The following ACSM4 variants were observed in gnomAD, a reference collection of about 807,000 sequenced individuals.
ACSM4 encodes the protein acyl-CoA synthetase medium chain family member 4.
ACSM4 carries 66 observed loss-of-function variants against 73.0 expected under a neutral mutation model. The observed-to-expected ratio is 0.90, with a 90% CI of 0.74 to 1.11. The LOEUF (loss-of-function observed/expected upper bound fraction) is 1.11, where lower values mean the gene tolerates loss of function less well. Ranked by LOEUF, ACSM4 falls within the 50% of genes least tolerant of loss-of-function variation. The pLI, the probability that ACSM4 is intolerant of heterozygous loss-of-function variation, is 0.00. For synonymous variants in ACSM4, 222 were observed against 254.0 expected (o/e 0.87, Z 1.20); for missense variants, 645 against 714.4 (o/e 0.90, Z 1.11).
rs901806176 is a variant in ACSM4 at position 7,327,097 on chromosome 12, C to G, written c.1656+2C>G. ...GCACCTTACAAATATCCAAGAAAGG[C>G]AAGTGCTTTGCCCAAAAGTTAAGTT... On this transcript the variant is annotated splice_donor_variant, in intron 12 of 12. Coordinates refer to ENST00000399422, the MANE Select transcript of ACSM4 (RefSeq NM_001080454.2). LOFTEE classifies it high-confidence loss of function. 1 of 1,596,684 alleles carries G rather than the reference C, an allele frequency of 6.3e-7. No homozygotes were observed. The highest frequency in any genetic ancestry group is 2.2e-5 in the East Asian group (1 of 44,456).
chr12:7,313,513 T>C (rs1359370041), intron 3 of ACSM4, among the ~76,000 whole-genome samples: 2 of 152,230 alleles, frequency 1.3e-5, no homozygotes, highest in Admixed American at 6.5e-5. Context: ...ATTTTAAGGC[T>C]TCTTGCCCTC....
chr12:7,315,212 A>T (rs1370335243), intron 3 of ACSM4, among the ~76,000 whole-genome samples: 1 of 151,554 alleles, frequency 6.6e-6, no homozygotes, highest in Admixed American at 6.6e-5. Context: ...AAAAAAAAAA[A>T]TCCTCACTGT....
chr12:7,305,034 A>G (rs1946354333), intron 1 of ACSM4, among the ~76,000 whole-genome samples: 2 of 152,280 alleles, frequency 1.3e-5, no homozygotes, highest in African/African-American at 4.8e-5. Flanking sequence ...ACACTTAACC[A>G]AGCAGTGCTT....
chr12:7,305,650 G>A (rs1052241464), intron 1 of ACSM4, among the ~76,000 whole-genome samples: 5 of 152,212 alleles, frequency 3.3e-5, no homozygotes, highest in African/African-American at 9.7e-5. Context: ...CCACAGGGAA[G>A]AGACACATCT....
intron 5 of ACSM4, 93 bp downstream of exon 5, chr12:7,318,275 C>A: frequency 6.7e-7 from 1 of 1,488,330 alleles, no homozygotes. Context: ...TACAAGGCTT[C>A]TTGGGCTTTT....
rs781213298 is a variant in ACSM4, at chr12:7,320,776, C to T, written c.973C>T (p.Arg325Trp). The change falls in exon 6 of 13, where the codon CGG becomes TGG. Residue 325 changes from arginine (R) to tryptophan (W), a missense_variant. Coordinates refer to ENST00000399422, the MANE Select transcript of ACSM4 (RefSeq NM_001080454.2). ...TTLCSPPTVY[R>W]MLVQKDLKRY... ...CCTGTGCAGTCCTCCCACTGTGTAC[C>T]GGATGCTCGTGCAAAAAGACCTTAA... 1.4e-5 allele frequency: 23 copies of T among 1,613,486 alleles called. No homozygotes were observed. Among genetic ancestry groups the T allele is most frequent in the South Asian group, 1.2e-4 (11 of 91,054 alleles).
chr12:7,324,832 TAAA>T (rs34818475), intron 11 of ACSM4, among the ~76,000 whole-genome samples: 9 of 136,692 alleles, frequency 6.6e-5, no homozygotes, highest in African/African-American at 8.1e-5. Flanking sequence ...TGCCTTAAGT[TAAA>T]AAAAAAAAAA....
chr12:7,305,874 G>A (rs988846759), intron 1 of ACSM4, among the ~76,000 whole-genome samples: 1 of 152,154 alleles, frequency 6.6e-6, no homozygotes, highest in Non-Finnish European at 1.5e-5. Context: ...TAATACATAA[G>A]GCAAAGAGGT....
chr12:7,326,301 C>A (rs994330874), intron 11 of ACSM4, among the ~76,000 whole-genome samples: 1 of 152,142 alleles, frequency 6.6e-6, no homozygotes, highest in Non-Finnish European at 1.5e-5. Context: ...AACTGCTGGG[C>A]TCAGTCGATC....
chr12:7,320,998 T>TGTGA (rs1217570012), intron 6 of ACSM4, among the ~76,000 whole-genome samples, 194 bp downstream of exon 6: 3 of 152,200 alleles, frequency 2.0e-5, no homozygotes, highest in African/African-American at 7.2e-5. Context: ...AAGACTCTAT[T>TGTGA]AGACGCCAGT....
intron 3 of ACSM4, among the ~76,000 whole-genome samples, chr12:7,313,384 A>T (rs1195593037): frequency 6.6e-6 from 1 of 152,206 alleles, no homozygotes; most frequent in Admixed American, 6.5e-5. Context: ...TTCTCTAAAA[A>T]CTAGGGAAGG....
In ACSM4 at chr12:7,322,407, T is replaced by C; in HGVS notation, c.1002-11T>C. On this transcript the variant is annotated splice_polypyrimidine_tract_variant and intron_variant, in intron 6 of 12. Coordinates refer to ENST00000399422, the MANE Select transcript of ACSM4 (RefSeq NM_001080454.2). ...CCTCTTGAAAAGACCCATGCAACTC[T>C]GTCTCTCCAGATATAAATTCAAGAG... 1 of 1,613,448 alleles carries C rather than the reference T, an allele frequency of 6.2e-7. No individual in the cohort carries two copies. The highest frequency in any genetic ancestry group is 1.7e-4 in the Middle Eastern group (1 of 5,784).
In ACSM4 at chr12:7,328,364, A is replaced by G; in HGVS notation, c.1734A>G (p.Arg578=). 2 of 1,587,880 alleles carry G rather than the reference A, an allele frequency of 1.3e-6. No homozygotes were observed. The highest frequency in any genetic ancestry group is 2.3e-5 in the South Asian group (2 of 86,536). ...KRNVLRDQEW[R]GR ...ACGTTTTAAGAGACCAAGAATGGAG[A>G]GGAAGATAGTTTGATAACAAAGCTG... The change falls in exon 13 of 13, where the codon AGA becomes AGG. Residue 578 remains arginine (R), a synonymous_variant. Transcript: ENST00000399422.
chr12:7,327,144 C>G (rs1208838753), intron 12 of ACSM4, 49 bp downstream of exon 12: 14 of 1,523,226 alleles, frequency 9.2e-6, no homozygotes, highest in Non-Finnish European at 1.2e-5. Flanking sequence ...AAACTAGGGT[C>G]TAAGCTAGAA....
In ACSM4 at chr12:7,310,554, C is replaced by A. The variant is rs770864463; in HGVS notation, c.428C>A (p.Pro143Gln). ...TCCTTCCCAGGGATCATCTTCATGC[C>A]GGGAACAATCCAGCTGACAGCAAAA... ...ACIRTGIIFM[P>Q]GTIQLTAKDI... Residue 143 changes from proline (P) to glutamine (Q), a missense_variant, in exon 3 of 13, where the codon CCG (proline) becomes CAG (glutamine). Physicochemically the swap from Pro to Gln is moderately conservative, Grantham distance 76. Coordinates refer to ENST00000399422, the MANE Select transcript of ACSM4 (RefSeq NM_001080454.2). 1 of 1,606,924 alleles carries A rather than the reference C, an allele frequency of 6.2e-7. No homozygotes were observed. The highest frequency in any genetic ancestry group is 1.1e-5 in the South Asian group (1 of 89,582).
At chr12:7,318,220 TCTTC>T (rs778671771) in intron 5 of ACSM4, 38 bp downstream of exon 5, 2 of 1,595,618 alleles carry the variant, frequency 1.3e-6, no homozygotes, top group South Asian at 2.3e-5. Context: ...TCTTTAGAGT[TCTTC>T]CTTGTTTCCC....
rs748264586 is a variant in ACSM4 at position 7,306,510 on chromosome 12, C to G, written c.202-23C>G. On this transcript the variant is annotated intron_variant, in intron 1 of 12. Coordinates refer to ENST00000399422, the MANE Select transcript of ACSM4 (RefSeq NM_001080454.2). ...ATCAGTCATGTAAACCTACCCCTCTCTTTTCCATGTGTCCCTGGTCAGACA... is the reference window on the plus strand; with the variant it reads ...ATCAGTCATGTAAACCTACCCCTCTGTTTTCCATGTGTCCCTGGTCAGACA... 17 of 1,562,016 alleles carry G rather than the reference C, an allele frequency of 1.1e-5. No individual in the cohort carries two copies. The Admixed American group carries it at 2.1e-4, about 19-fold the overall frequency.
At position 7,318,079 on chromosome 12, in the gene ACSM4, G is replaced by C. The variant is rs775382570; in HGVS notation, c.818G>C (p.Gly273Ala). Residue 273 changes from glycine to alanine, a missense_variant, in exon 5 of 13, where the codon GGC (glycine) becomes GCC (alanine). Physicochemically the swap from Gly to Ala is moderately conservative, Grantham distance 60 (BLOSUM62 0). Coordinates refer to ENST00000399422, the MANE Select transcript of ACSM4 (RefSeq NM_001080454.2). ...ATCATATGGAATATGTCTGACACGGGCTGGGTCAAGGCCGCCATTGGCAGT... is the reference window on the plus strand; with the variant it reads ...ATCATATGGAATATGTCTGACACGGCCTGGGTCAAGGCCGCCATTGGCAGT... ...SDIIWNMSDT[G>A]WVKAAIGSVF... is the part of the protein sequence containing the mutation. 1 of 1,613,658 alleles carries C rather than the reference G, an allele frequency of 6.2e-7. No homozygotes were observed. Among genetic ancestry groups the C allele is most frequent in the African/African-American group, 1.3e-5 (1 of 74,886 alleles).
chr12:7,325,865 G>T (rs1170478353), intron 11 of ACSM4, among the ~76,000 whole-genome samples: 1 of 152,106 alleles, frequency 6.6e-6, no homozygotes, highest in Non-Finnish European at 1.5e-5. Flanking sequence ...TTCCACATCT[G>T]TACCTCCCTC....
Sources: allele counts gnomAD v4.1 joint callset (sites outside exome capture counted in the v4.1 genomes callset), GRCh38; gene constraint gnomAD v4.1.1; transcripts MANE v1.5; gene names NCBI Gene and HGNC (gene_info 2026-07-23, HGNC 2026-07-21).